The following BCHE variants were observed in gnomAD, a reference collection of about 807,000 sequenced individuals.
BCHE encodes the protein cholinesterase.
Under a neutral mutation model 51.3 loss-of-function variants are expected in BCHE, and 48 were observed. The observed-to-expected ratio is 0.94, with a 90% CI of 0.74 to 1.19. The LOEUF is 1.19. Ranked by LOEUF, BCHE falls within the 50% of genes most tolerant of loss-of-function variation. The pLI, the probability that BCHE is intolerant of heterozygous loss-of-function variation, is 0.00. For synonymous variants in BCHE, 251 were observed against 238.0 expected, an observed-to-expected ratio of 1.05 and a Z score of -0.50; for missense variants, 847 against 708.2, an observed-to-expected ratio of 1.20 and a Z score of -2.23.
intron 2 of BCHE, among the ~76,000 whole-genome samples, chr3:165,812,086 T>A (rs780506421): frequency 2.0e-5 from 3 of 152,052 alleles, no homozygotes; most frequent in Non-Finnish European, 2.9e-5. Context: ...GAGGACCACC[T>A]GAATTACATC....
rs774072493 is a variant in BCHE at position 165,830,598 on chromosome 3, A to AC, written c.435_436insG (p.Phe146ValfsTer12). 579 of 1,613,982 alleles carry AC rather than the reference A, an allele frequency of 3.6e-4. 1 individual carries two copies. Among genetic ancestry groups the AC allele is most frequent in the Middle Eastern group, 3.3e-3 (20 of 6,060 alleles). Reference sequence around the variant, plus strand: ...TGTAAAGATGATGTTCCAGTTTGAAAACCACCACCATAAATCCATATCAAT... The same window carrying AC: ...TGTAAAGATGATGTTCCAGTTTGAAACACCACCACCATAAATCCATATCAAT... On this transcript the variant is annotated frameshift_variant, in exon 2 of 4. Transcript: ENST00000264381. LOFTEE classifies it high-confidence loss of function.
At chr3:165,801,976 C>G (rs189575158) in intron 2 of BCHE, among the ~76,000 whole-genome samples, 5 of 152,264 alleles carry the variant, frequency 3.3e-5, no homozygotes, top group Non-Finnish European at 7.4e-5. Context: ...TTGCCCACTT[C>G]TATTTTGCAG....
At chr3:165,835,282 A>C (rs758241651) in intron 1 of BCHE, among the ~76,000 whole-genome samples, 11 of 151,832 alleles carry the variant, frequency 7.2e-5, no homozygotes, top group Admixed American at 1.3e-4. Flanking sequence ...GTTATACTAT[A>C]AGATGTGAGT....
chr3:165,827,621 T>C (rs1411375941), intron 2 of BCHE, among the ~76,000 whole-genome samples: 1 of 152,002 alleles, frequency 6.6e-6, no homozygotes, highest in Non-Finnish European at 1.5e-5. Context: ...AAAAATGAAG[T>C]CCTTTGAAAA....
chr3:165,806,497 T>C (rs1334907152), intron 2 of BCHE, among the ~76,000 whole-genome samples: 1 of 152,180 alleles, frequency 6.6e-6, no homozygotes, highest in Non-Finnish European at 1.5e-5. Context: ...ATGGTAGGCC[T>C]GCATTTTACT....
chr3:165,794,055 A>T (rs1436512971), intron 2 of BCHE, among the ~76,000 whole-genome samples: 2 of 152,164 alleles, frequency 1.3e-5, no homozygotes, highest in South Asian at 2.1e-4. Context: ...TCAAATAAAA[A>T]AAAAAAAATA....
At chr3:165,777,899 C>CGG (rs1480947247) in intron 3 of BCHE, 3 of 303,506 alleles carry the variant, frequency 9.9e-6, no homozygotes, top group African/African-American at 6.7e-5. Context: ...ATTTTCTTTA[C>CGG]ACTAGCTTAC....
chr3:165,815,576 T>C (rs1277678349), intron 2 of BCHE, among the ~76,000 whole-genome samples: 1 of 152,102 alleles, frequency 6.6e-6, no homozygotes, highest in African/African-American at 2.4e-5. Flanking sequence ...TTAGCAATAA[T>C]AAATTTAATT....
chr3:165,777,612 G>A (rs2686409), intron 3 of BCHE: 177,846 of 264,364 alleles, frequency 0.67, 61,970 homozygotes, highest in East Asian at 0.8. Flanking sequence ...TCTGTGTGCA[G>A]GGGCAAAGCA....
rs4491958 is a variant in BCHE at position 165,819,173 on chromosome 3, G to T, written c.1517+10344C>A. 1.7e-4 allele frequency among the ~76,000 whole-genome samples: 26 copies of T among 151,036 alleles called. No individual in the cohort carries two copies. In the South Asian group the frequency reaches 5.4e-3, roughly 32 times the overall value. ...GGCTCACTGCATTCTCTGCCTCCTG[G>T]GTTCAAACGATTCTCCTGCCTTAGC... On this transcript the variant is annotated intron_variant, in intron 2 of 3. Coordinates refer to ENST00000264381, the MANE Select transcript of BCHE (RefSeq NM_000055.4).
intron 2 of BCHE, among the ~76,000 whole-genome samples, chr3:165,797,433 C>T (rs1713460450): frequency 6.8e-6 from 1 of 147,056 alleles, no homozygotes; most frequent in Non-Finnish European, 1.5e-5. Context: ...GATGTCTTCC[C>T]TAATTTCCAA....
chr3:165,784,756 C>T (rs1210636503), intron 3 of BCHE, among the ~76,000 whole-genome samples: 1 of 151,822 alleles, frequency 6.6e-6, no homozygotes, highest in Non-Finnish European at 1.5e-5. Flanking sequence ...AAGGGCTCAG[C>T]TTGGCTTATA....
rs372593716 is a variant in BCHE, at chr3:165,830,129, A to G, written c.905T>C (p.Leu302Pro). ...ATAGGGGACAACAAATGCTTCATTC[A>G]GAAGAATTTCTTGGGGATCTTTATT... is the stretch of plus-strand genomic sequence containing the variant. ...LRNKDPQEIL[L>P]NEAFVVPYGT... The change falls in exon 2 of 4, where the codon CTG (leucine) becomes CCG (proline). Residue 302 changes from leucine to proline, a missense_variant. By Grantham distance (98) the Leu-to-Pro change is moderately conservative. Transcript: ENST00000264381. The G allele has an allele frequency of 1.9e-6, 3 of 1,613,834 alleles. No individual in the cohort carries two copies. Among genetic ancestry groups the G allele is most frequent in the Non-Finnish European group, 2.5e-6 (3 of 1,179,918 alleles).
chr3:165,828,015 C>G, intron 2 of BCHE: 1 of 455,752 alleles, frequency 2.2e-6, no homozygotes, highest in South Asian at 1.6e-5. Flanking sequence ...AATATCAAAT[C>G]AAAACCACAG....
chr3:165,796,653 A>C (rs1312846609), intron 2 of BCHE, among the ~76,000 whole-genome samples: 1 of 152,198 alleles, frequency 6.6e-6, no homozygotes, highest in Non-Finnish European at 1.5e-5. Context: ...TCAAGTGCCC[A>C]CTTAAAGCAT....
chr3:165,803,511 C>T (rs1030210982), intron 2 of BCHE, among the ~76,000 whole-genome samples: 1 of 152,188 alleles, frequency 6.6e-6, no homozygotes, highest in African/African-American at 2.4e-5. Context: ...TAACAATAAT[C>T]TGTTAATATC....
At chr3:165,808,729 T>C (rs1263499995) in intron 2 of BCHE, among the ~76,000 whole-genome samples, 1 of 152,018 alleles carries the variant, frequency 6.6e-6, no homozygotes, top group Non-Finnish European at 1.5e-5. Flanking sequence ...ATTGCACCAC[T>C]GCACCCCAGC....
At chr3:165,827,761 G>A (rs1714781854) in intron 2 of BCHE, among the ~76,000 whole-genome samples, 1 of 152,026 alleles carries the variant, frequency 6.6e-6, no homozygotes, top group African/African-American at 2.4e-5. Flanking sequence ...GGAGAGAGCA[G>A]AATGAGATAT....
rs188124000 is a variant in BCHE, at chr3:165,820,111, A to T, written c.1517+9406T>A. On this transcript the variant is annotated intron_variant, in intron 2 of 3. Coordinates refer to ENST00000264381, the MANE Select transcript of BCHE (RefSeq NM_000055.4). ...TGAGCCATTTTATACTGAGTGCATT[A>T]GTTTTTTTCTGCTGCACTGCGAGAG... 2.0e-5 allele frequency among the ~76,000 whole-genome samples: 3 copies of T among 152,240 alleles called. No homozygotes were observed. The East Asian group carries it at 5.8e-4, about 29-fold the overall frequency.
Sources: allele counts gnomAD v4.1 joint callset (sites outside exome capture counted in the v4.1 genomes callset), GRCh38; gene constraint gnomAD v4.1.1; transcripts MANE v1.5; gene names NCBI Gene and HGNC (gene_info 2026-07-23, HGNC 2026-07-21).